GMDS: variants seen among roughly 807,000 people sequenced by gnomAD.
GMDS encodes GDP-mannose 4,6 dehydratase.
GMDS carries 20 observed loss-of-function variants against 49.9 expected under a neutral mutation model. The ratio of observed to expected loss-of-function variants is 0.40; its 90% confidence interval spans 0.28 to 0.58. The LOEUF (loss-of-function observed/expected upper bound fraction) is 0.58, where lower values mean the gene tolerates loss of function less well. Ranked by LOEUF, GMDS falls within the 20% of genes least tolerant of loss-of-function variation. The pLI is 0.42. For missense variants in GMDS, 362 were observed against 481.4 expected (o/e 0.75, Z 2.32); for synonymous variants, 177 against 178.6 (o/e 0.99, Z 0.07).
rs1278805310 is a variant in GMDS, at chr6:2,191,620, G to A, written c.102+53701C>T. Among the ~76,000 whole-genome samples, 1 of 152,236 alleles carries A rather than the reference G, an allele frequency of 6.6e-6. No individual in the cohort carries two copies. The highest frequency in any genetic ancestry group is 1.5e-5 in the Non-Finnish European group (1 of 68,032). On this transcript the variant is annotated intron_variant, in intron 1 of 10. Transcript: ENST00000380815. This position sits in a 1 kb window ranked among gnomAD's most constrained non-coding sequence, Gnocchi z 4.6. ...GCTATGATCTCCGAATGGGGTTGGG[G>A]CCAAGCCGGGGAGCTGTCACAGCCC...
In GMDS at chr6:1,928,908, G is replaced by A. The variant is rs928822021; in HGVS notation, c.771+1195C>T. On this transcript the variant is annotated intron_variant, in intron 7 of 10. Coordinates refer to ENST00000380815, the MANE Select transcript of GMDS (RefSeq NM_001500.4). ...CGCTTGAACCTGGGAGGCCGAGGTTGTAGTGAGGCGAAATCATGCCACTGC... is the reference window on the plus strand; with the variant it reads ...CGCTTGAACCTGGGAGGCCGAGGTTATAGTGAGGCGAAATCATGCCACTGC... 3.3e-5 allele frequency among the ~76,000 whole-genome samples: 5 copies of A among 152,142 alleles called. No homozygotes were observed. In the East Asian group the frequency reaches 5.8e-4, roughly 18 times the overall value.
At chr6:1,938,450 T>C (rs980801849) in intron 6 of GMDS, among the ~76,000 whole-genome samples, 1 of 152,258 alleles carries the variant, frequency 6.6e-6, no homozygotes, top group Admixed American at 6.5e-5. Flanking sequence ...CAGTTCAAGG[T>C]TGAAAATTAT....
intron 7 of GMDS, among the ~76,000 whole-genome samples, chr6:1,770,674 G>A (rs1768546608): frequency 6.6e-6 from 1 of 152,192 alleles, no homozygotes; most frequent in Non-Finnish European, 1.5e-5. Flanking sequence ...TGTTTTGAGA[G>A]CCAACCACTG....
intron 7 of GMDS, among the ~76,000 whole-genome samples, chr6:1,850,308 T>C (rs1455556317): frequency 6.6e-6 from 1 of 152,228 alleles, no homozygotes; most frequent in East Asian, 1.9e-4. Context: ...AACTCATTAT[T>C]ATGGACCTAA....
chr6:1,738,162 C>CACAT (rs1354730440), intron 8 of GMDS, among the ~76,000 whole-genome samples: 16 of 145,212 alleles, frequency 1.1e-4, no homozygotes, highest in African/African-American at 4.4e-4. Context: ...CATACACACA[C>CACAT]ACAGACACAT....
intron 7 of GMDS, among the ~76,000 whole-genome samples, chr6:1,796,877 A>G (rs1769753369): frequency 6.6e-6 from 1 of 152,206 alleles, no homozygotes; most frequent in African/African-American, 2.4e-5. Context: ...ATTCCCTTAC[A>G]GTAAGTCAGT....
At chr6:1,933,193 C>T (rs1382330673) in intron 6 of GMDS, among the ~76,000 whole-genome samples, 3 of 152,212 alleles carry the variant, frequency 2.0e-5, no homozygotes, top group Non-Finnish European at 4.4e-5. Context: ...TTCATCCATA[C>T]TGTAGCTTGA....
intron 4 of GMDS, among the ~76,000 whole-genome samples, chr6:2,113,562 C>T (rs558650402): frequency 5.9e-5 from 9 of 152,066 alleles, no homozygotes; most frequent in South Asian, 2.1e-4. Flanking sequence ...TTATTACCCC[C>T]GTTTCAACTA....
chr6:1,650,860 G>A lies in GMDS; in HGVS notation c.988-26320C>T, dbSNP rs574311124. Among the ~76,000 whole-genome samples the A allele has an allele frequency of 1.2e-4, 19 of 152,292 alleles. 1 individual carries two copies. In the South Asian group the frequency reaches 2.1e-3, roughly 17 times the overall value. On this transcript the variant is annotated intron_variant, in intron 9 of 10. Coordinates refer to ENST00000380815, the MANE Select transcript of GMDS (RefSeq NM_001500.4). ...CTCCCAAACTGTTGGGATTAGAGCC[G>A]TGAACCACTGTGCCCAGCCAATTTT...
chr6:1,904,353 T>A (rs573223362), intron 7 of GMDS, among the ~76,000 whole-genome samples: 1 of 152,214 alleles, frequency 6.6e-6, no homozygotes, highest in Non-Finnish European at 1.5e-5. Flanking sequence ...TCATTTGCAT[T>A]CGGGGGCTGC....
At chr6:1,786,497 G>A (rs1561804413) in intron 7 of GMDS, among the ~76,000 whole-genome samples, 1 of 152,214 alleles carries the variant, frequency 6.6e-6, no homozygotes, top group Non-Finnish European at 1.5e-5. Context: ...GAGGCTTCAT[G>A]GGCAGGAGGG....
At chr6:1,708,711 A>G (rs1447165693) in intron 9 of GMDS, among the ~76,000 whole-genome samples, 1 of 152,266 alleles carries the variant, frequency 6.6e-6, no homozygotes, top group African/African-American at 2.4e-5. Context: ...AAGAAAGGCC[A>G]GTGAGCGCCG....
intron 9 of GMDS, among the ~76,000 whole-genome samples, chr6:1,654,208 C>A (rs1439935395): frequency 6.6e-6 from 1 of 152,152 alleles, no homozygotes; most frequent in African/African-American, 2.4e-5. Flanking sequence ...GGTAGTTCCT[C>A]AAAAAATTAA....
intron 7 of GMDS, among the ~76,000 whole-genome samples, chr6:1,914,146 T>TG (rs1317755575): frequency 2.7e-5 from 4 of 147,720 alleles, no homozygotes; most frequent in Admixed American, 6.7e-5. Flanking sequence ...TTTTTTTTTT[T>TG]TTTTTTTTTT....
At chr6:2,180,526 T>A (rs1287764576) in intron 1 of GMDS, among the ~76,000 whole-genome samples, 1 of 152,226 alleles carries the variant, frequency 6.6e-6, no homozygotes, top group African/African-American at 2.4e-5. Flanking sequence ...CCCTTTTTCC[T>A]CTCACTGACT....
In GMDS at chr6:1,857,027, T is replaced by C. The variant is rs116632090; in HGVS notation, c.771+73076A>G. 8.4e-3 allele frequency among the ~76,000 whole-genome samples: 1,278 copies of C among 152,338 alleles called. 19 individuals are homozygous for C. Among genetic ancestry groups the C allele is most frequent in the African/African-American group, 0.03 (1,228 of 41,574 alleles). ...TGCATAGAGTTGTCCCACATGCGAA[T>C]AGATTTCTACCTCTATCAAGAGTTC... On this transcript the variant is annotated intron_variant, in intron 7 of 10. Transcript: ENST00000380815.
At chr6:1,782,517 T>C (rs1769141109) in intron 7 of GMDS, among the ~76,000 whole-genome samples, 2 of 152,314 alleles carry the variant, frequency 1.3e-5, no homozygotes, top group Middle Eastern at 3.4e-3. Context: ...AACCTGAATT[T>C]AGAGAAAATG....
intron 4 of GMDS, among the ~76,000 whole-genome samples, chr6:2,026,820 T>C (rs1230662337): frequency 6.6e-6 from 1 of 152,344 alleles, no homozygotes; most frequent in African/African-American, 2.4e-5. Flanking sequence ...AAGCCGAAAT[T>C]ATATACTTTG....
At chr6:2,031,314 C>T (rs1246612075) in intron 4 of GMDS, among the ~76,000 whole-genome samples, 3 of 152,160 alleles carry the variant, frequency 2.0e-5, no homozygotes, top group Non-Finnish European at 4.4e-5. Context: ...GAAATTCACT[C>T]ATTCAATCAG....
Sources: gnomAD v4.1 joint callset for allele counts (sites outside exome capture counted in the v4.1 genomes callset) on GRCh38, gnomAD v4.1.1 for gene constraint, Gnocchi (gnomAD v3.1) non-coding constraint, MANE v1.5 for transcripts, NCBI Gene and HGNC (gene_info 2026-07-23, HGNC 2026-07-21) for gene names.